PVALEF: variants seen among roughly 807,000 people sequenced by gnomAD.
The protein encoded by PVALEF is parvalbumin-like EF-hand-containing protein.
PVALEF carries 2 observed loss-of-function variants against 1.2 expected under a neutral mutation model. That is an observed-to-expected ratio of 1.68 (90% CI 0.69 to 5.28). The LOEUF (loss-of-function observed/expected upper bound fraction) is 5.28, where lower values mean the gene tolerates loss of function less well. PVALEF is among the 30% of genes most tolerant of loss of function. The pLI is 0.06. For synonymous variants in PVALEF, 16 were observed against 6.5 expected, an observed-to-expected ratio of 2.47 and a Z score of -2.24; for missense variants, 35 against 17.7, an observed-to-expected ratio of 1.97 and a Z score of -1.75.
intron 2 of PVALEF, among the ~76,000 whole-genome samples, chr17:81,167,445 C>T (rs1434464475): frequency 2.0e-5 from 3 of 152,256 alleles, no homozygotes; most frequent in African/African-American, 7.2e-5. Flanking sequence ...GGGTTGGGGG[C>T]TGTGGAGCAG....
intron 3 of PVALEF, among the ~76,000 whole-genome samples, chr17:81,180,510 C>T (rs2061550190): frequency 6.6e-6 from 1 of 152,156 alleles, no homozygotes. Flanking sequence ...GCTGTGGGGG[C>T]CCAGCTCCAG....
intron 1 of PVALEF, 24 bp from the exon 2 acceptor site, chr17:81,166,653 C>T (rs2061495567): frequency 2.2e-6 from 1 of 453,490 alleles, no homozygotes; most frequent in Non-Finnish European, 4.4e-6. Context: ...TCTTGGTGCT[C>T]AGGGGCCCTC....
rs369456061 is a variant in PVALEF at position 81,179,172 on chromosome 17, G to C, written c.-105+20G>C. 20 of 328,000 alleles carry C rather than the reference G, an allele frequency of 6.1e-5. No homozygotes were observed. The highest frequency in any genetic ancestry group is 2.0e-4 in the East Asian group (2 of 10,010). 20.3% of individuals were successfully genotyped at this position (328,000 alleles called of 1,614,324 possible). On this transcript the variant is annotated intron_variant, in intron 3 of 6. Transcript: ENST00000637878. ...GCAGAGGTAAGCCCTGCCAAGGAGG[G>C]GGGTGTGGGTCTCTGGCCGCTGAGG...
intron 3 of PVALEF, among the ~76,000 whole-genome samples, chr17:81,179,906 C>A (rs917626721): frequency 6.6e-6 from 1 of 152,284 alleles, no homozygotes; most frequent in South Asian, 2.1e-4. Flanking sequence ...GAAACAGAGG[C>A]CTTTTGGCAG....
At chr17:81,169,127 G>A (rs1236520551) in intron 2 of PVALEF, among the ~76,000 whole-genome samples, 1 of 152,214 alleles carries the variant, frequency 6.6e-6, no homozygotes, top group African/African-American at 2.4e-5. Flanking sequence ...AGAGCCGGGA[G>A]AGGGGCAAGT....
rs994231333 is a variant in PVALEF, at chr17:81,179,363, C to T, written c.-105+211C>T. Among the ~76,000 whole-genome samples, 12 of 152,356 alleles carry T rather than the reference C, an allele frequency of 7.9e-5. No homozygotes were observed. The South Asian group carries it at 1.4e-3, about 18-fold the overall frequency. ...CCACTACAAGCCCCAAGGGGGCCCC[C>T]GGATGGAAGACAGCTGCAGGTGCCT... On this transcript the variant is annotated intron_variant, in intron 3 of 6. Transcript: ENST00000637878.
chr17:81,171,981 ACT>A (rs1442736450), intron 2 of PVALEF, among the ~76,000 whole-genome samples: 1 of 151,328 alleles, frequency 6.6e-6, no homozygotes, highest in African/African-American at 2.4e-5. Flanking sequence ...AGCCCCCACC[ACT>A]CTGTGTTCAG....
Position 81,181,707 on chromosome 17 carries a change from G to A in PVALEF, c.242+13G>A, listed in dbSNP as rs1287160287. 4 of 399,912 alleles carry A rather than the reference G, an allele frequency of 1.0e-5. No individual in the cohort carries two copies. The highest frequency in any genetic ancestry group is 7.1e-5 in the East Asian group (2 of 28,088). 24.8% of individuals were successfully genotyped at this position (399,912 alleles called of 1,614,324 possible). The stretch of plus-strand genomic sequence containing the variant: ...GGAACGAGATCAAGTAATGGCTGGC[G>A]GCCACGGAGGGGTGGGGCCCAGGCC... On this transcript the variant is annotated intron_variant, in intron 5 of 6. Transcript: ENST00000637878.
At chr17:81,167,920 G>A (rs899248056) in intron 2 of PVALEF, among the ~76,000 whole-genome samples, 21 of 152,226 alleles carry the variant, frequency 1.4e-4, no homozygotes, top group African/African-American at 4.8e-4. Flanking sequence ...AGCCCAGAGG[G>A]CTGGGAGGAT....
chr17:81,181,109 T>C lies in PVALEF; in HGVS notation c.-104-14T>C. 1.6e-6 allele frequency: 1 copy of C among 644,502 alleles called. No individual in the cohort carries two copies. The highest frequency in any genetic ancestry group is 2.9e-6 in the Non-Finnish European group (1 of 350,522). The allele number at this position is 644,502 out of a possible 1,614,324, so 39.9% of individuals were successfully genotyped here. On this transcript the variant is annotated splice_polypyrimidine_tract_variant and intron_variant, in intron 3 of 6. Transcript: ENST00000637878. ...CCCAACACTGTGACGCCTGTCACCA[T>C]TCCCACTTTACAGCAGGATCCAGCA...
Position 81,181,300 on chromosome 17 carries a change from T to C in PVALEF, c.74T>C (p.Ile25Thr), listed in dbSNP as rs1455661179. The part of the protein sequence containing the change: ...AMGTSLSDKD[I>T]ELLPTDMRHH... ...GGCACGTCCCTATCAGACAAGGACA[T>C]TGAGCTGCTGCCCACAGACATGAGA... The change falls in exon 4 of 7, where the codon ATT (isoleucine) becomes ACT (threonine). Residue 25 changes from isoleucine (I) to threonine (T), a missense_variant. Ile to Thr is a moderately conservative substitution (Grantham distance 89, BLOSUM62 -1). Transcript: ENST00000637878. The C allele has an allele frequency of 1.0e-5, 7 of 697,284 alleles. No homozygotes were observed. In the East Asian group the frequency reaches 1.3e-4, roughly 13 times the overall value. The allele number at this position is 697,284 out of a possible 1,614,324, so 43.2% of individuals were successfully genotyped here. A position where few individuals can be genotyped will look rare whatever the true frequency, so the allele number is the denominator to read the frequency against.
In PVALEF at chr17:81,166,663, C is replaced by T. The variant is rs2061495729; in HGVS notation, c.-507-14C>T. On this transcript the variant is annotated splice_polypyrimidine_tract_variant and intron_variant, in intron 1 of 6. Coordinates refer to ENST00000637878, the MANE Select transcript of PVALEF (RefSeq NM_001354639.2). ...GCGGGTCTTGGTGCTCAGGGGCCCT[C>T]GCCTCACTTGCAGGTTTCGAGGCGG... 5 of 452,750 alleles carry T rather than the reference C, an allele frequency of 1.1e-5. No individual in the cohort carries two copies. Among genetic ancestry groups the T allele is most frequent in the South Asian group, 4.7e-5 (3 of 64,350 alleles). The allele number at this position is 452,750 out of a possible 1,614,324, so 28.0% of individuals were successfully genotyped here. A position where few individuals can be genotyped will look rare whatever the true frequency, so the allele number is the denominator to read the frequency against.
At chr17:81,180,512 C>G (rs1001971436) in intron 3 of PVALEF, among the ~76,000 whole-genome samples, 11 of 152,186 alleles carry the variant, frequency 7.2e-5, no homozygotes, top group Middle Eastern at 3.2e-3. Flanking sequence ...TGTGGGGGCC[C>G]AGCTCCAGCC....
chr17:81,170,111 C>A (rs2061514860), intron 2 of PVALEF, among the ~76,000 whole-genome samples: 1 of 144,322 alleles, frequency 6.9e-6, no homozygotes, highest in South Asian at 2.2e-4. Context: ...TGTGTGTCTG[C>A]ATATGTGTAG....
rs1297936693 is a variant in PVALEF, at chr17:81,182,017, C to T, written c.294C>T (p.Asp98=). The change falls in exon 6 of 7, where the codon GAC becomes GAT. Residue 98 remains aspartate (D), a synonymous_variant. Coordinates refer to ENST00000637878, the MANE Select transcript of PVALEF (RefSeq NM_001354639.2). The stretch of plus-strand genomic sequence containing the variant: ...GCGGGCCCACCACCCCGCTGACAGA[C>T]GAGGAGGCCGAGGCCATGATCCAGG... The part of the protein sequence containing the change: ...PSSGPTTPLT[D]EEAEAMIQAA... The T allele has an allele frequency of 1.3e-5, 5 of 398,696 alleles. No homozygotes were observed. Among genetic ancestry groups the T allele is most frequent in the African/African-American group, 2.1e-5 (1 of 48,638 alleles). The allele number at this position is 398,696 out of a possible 1,614,324, so 24.7% of individuals were successfully genotyped here.
chr17:81,175,799 G>T (rs1443202790), intron 2 of PVALEF, among the ~76,000 whole-genome samples: 2 of 152,118 alleles, frequency 1.3e-5, no homozygotes, highest in Non-Finnish European at 1.5e-5. Context: ...ATGGATCAAA[G>T]ACCTAAATGT....
rs1230984917 is a variant in PVALEF, at chr17:81,181,234, A to C, written c.8A>C (p.Glu3Ala). The C allele has an allele frequency of 5.7e-6, 4 of 702,754 alleles. No individual in the cohort carries two copies. The highest frequency in any genetic ancestry group is 1.0e-5 in the Non-Finnish European group (4 of 384,706). 43.5% of individuals were successfully genotyped at this position (702,754 alleles called of 1,614,324 possible). The change falls in exon 4 of 7, where the codon GAG (glutamate) becomes GCG (alanine). Residue 3 changes from glutamate (E) to alanine (A), a missense_variant. Coordinates refer to ENST00000637878, the MANE Select transcript of PVALEF (RefSeq NM_001354639.2). MEEDFSSQMKKMA... is the reference protein window; with the variant it reads MEADFSSQMKKMA... ...TATCCACCCAGGACCAGGATGGAGG[A>C]GGACTTCTCCTCCCAGATGAAGAAG...
intron 2 of PVALEF, among the ~76,000 whole-genome samples, chr17:81,171,675 G>A (rs1225772354): frequency 1.3e-5 from 2 of 151,956 alleles, no homozygotes; most frequent in Non-Finnish European, 2.9e-5. Context: ...TGTAGTTTTA[G>A]TAGAGACGGG....
chr17:81,181,191 C>T lies in PVALEF; in HGVS notation c.-36C>T, dbSNP rs548119600. 25 of 702,972 alleles carry T rather than the reference C, an allele frequency of 3.6e-5. No homozygotes were observed. Among genetic ancestry groups the T allele is most frequent in the Non-Finnish European group, 6.0e-5 (23 of 384,722 alleles). The allele number at this position is 702,972 out of a possible 1,614,324, so 43.5% of individuals were successfully genotyped here. A position where few individuals can be genotyped will look rare whatever the true frequency, so the allele number is the denominator to read the frequency against. ...GCAGCACCCCCAATCCGTGCGTGCA[C>T]CCCACGAATTGACTCCCTATCCACC... is the stretch of plus-strand genomic sequence containing the variant. On this transcript the variant is annotated 5_prime_UTR_variant, in exon 4 of 7. Coordinates refer to ENST00000637878, the MANE Select transcript of PVALEF (RefSeq NM_001354639.2).
Sources: allele counts gnomAD v4.1 joint callset (sites outside exome capture counted in the v4.1 genomes callset), GRCh38; gene constraint gnomAD v4.1.1; transcripts MANE v1.5; gene names NCBI Gene and HGNC (gene_info 2026-07-23, HGNC 2026-07-21).